Variants in KLF8 observed in about 807,000 individuals in gnomAD.
KLF8 encodes the protein Krueppel-like factor 8.
A neutral mutation model predicts 18.2 loss-of-function variants in KLF8; 10 were observed. The ratio of observed to expected loss-of-function variants is 0.55; its 90% CI spans 0.34 to 0.93. The LOEUF (loss-of-function observed/expected upper bound fraction) is 0.93, where lower values mean the gene tolerates loss of function less well. KLF8 is among the 40% of genes least tolerant of loss of function. The probability of loss-of-function intolerance (pLI) is 0.02; values close to 1 mark genes in which losing one functional copy is unlikely to be tolerated. For synonymous variants in KLF8, 109 were observed against 97.3 expected (o/e 1.12, Z -0.71); for missense variants, 264 against 277.9 (o/e 0.95, Z 0.36).
chrX:56,003,864 T>C, the KLF8 span, among the ~76,000 whole-genome samples: 1 of 112,332 alleles, frequency 8.9e-6, no homozygotes, highest in Non-Finnish European at 1.9e-5. Flanking sequence ...CTGTGTAGCC[T>C]GAAAATCATT....
At chrX:56,247,410 T>C (rs903386150) in intron 1 of KLF8, among the ~76,000 whole-genome samples, 1 of 111,922 alleles carries the variant, frequency 8.9e-6, no homozygotes, top group Non-Finnish European at 1.9e-5. Flanking sequence ...AGGACATTAC[T>C]GTACCTTACT....
At chrX:56,020,190 G>T in the KLF8 span, among the ~76,000 whole-genome samples, 9 of 111,561 alleles carry the variant, frequency 8.1e-5, no homozygotes, top group African/African-American at 2.3e-4. Flanking sequence ...ATGGAAATCA[G>T]CATGTATTCA....
At chrX:56,243,146 A>G in intron 1 of KLF8, 1 of 518,031 alleles carries the variant, frequency 1.9e-6, no homozygotes, top group Non-Finnish European at 3.5e-6. Context: ...TATCTTCTTC[A>G]TGGCCGACAC....
At chrX:55,940,621 A>G in the KLF8 span, among the ~76,000 whole-genome samples, 1 of 111,904 alleles carries the variant, frequency 8.9e-6, no homozygotes, top group Non-Finnish European at 1.9e-5. Flanking sequence ...TTATATATCT[A>G]GAAAACCCCA....
the KLF8 span, among the ~76,000 whole-genome samples, chrX:55,965,420 C>A: frequency 9.0e-6 from 1 of 111,707 alleles, no homozygotes; most frequent in Non-Finnish European, 1.9e-5. Flanking sequence ...AAACCCACAG[C>A]CAACATCATA....
chrX:56,060,346 T>G, the KLF8 span, among the ~76,000 whole-genome samples: 160 of 111,799 alleles, frequency 1.4e-3, 2 homozygotes, highest in African/African-American at 4.5e-3. Flanking sequence ...CTTGTTATTT[T>G]GAGATACTTT....
At chrX:56,264,305 TA>T (rs2066929183) in intron 2 of KLF8, among the ~76,000 whole-genome samples, 1 of 111,389 alleles carries the variant, frequency 9.0e-6, no homozygotes, top group South Asian at 3.7e-4. Context: ...ATTAGTTTTT[TA>T]AACTAATAAA....
the KLF8 span, among the ~76,000 whole-genome samples, chrX:56,053,540 C>CTTTGTTT: frequency 0.02 from 518 of 26,455 alleles, 8 homozygotes; most frequent in African/African-American, 0.066. Flanking sequence ...GAAGTCTTTT[C>CTTTGTTT]TTTGTTTTTT....
chrX:56,231,470 C>T (rs914573060), upstream of KLF8, among the ~76,000 whole-genome samples: 3 of 111,942 alleles, frequency 2.7e-5, no homozygotes, highest in Non-Finnish European at 5.6e-5. Flanking sequence ...GGCTCAGGGA[C>T]TTGCCCATAT....
intron 3 of KLF8, chrX:56,266,044 T>C: frequency 1.2e-6 from 1 of 802,458 alleles, no homozygotes; most frequent in Non-Finnish European, 1.5e-6. Context: ...ATTTAAAATA[T>C]GATTATCTTG....
At chrX:56,222,362 C>T in the KLF8 span, among the ~76,000 whole-genome samples, 4 of 109,738 alleles carry the variant, frequency 3.6e-5, no homozygotes, top group East Asian at 5.8e-4. Context: ...CCACCAGATT[C>T]GCTAGATACA....
At chrX:56,105,213 A>G in the KLF8 span, among the ~76,000 whole-genome samples, 21 of 111,635 alleles carry the variant, frequency 1.9e-4, no homozygotes, top group Non-Finnish European at 3.8e-5. Context: ...GGAGAGTTCT[A>G]TAGATGTCTA....
the KLF8 span, among the ~76,000 whole-genome samples, chrX:55,954,328 CATT>C: frequency 1.8e-5 from 2 of 111,576 alleles, no homozygotes; most frequent in South Asian, 7.4e-4. Context: ...AATCCCATGT[CATT>C]ATAATTCCTG....
At chrX:56,132,709 GATAA>G in the KLF8 span, among the ~76,000 whole-genome samples, 1 of 111,296 alleles carries the variant, frequency 9.0e-6, no homozygotes, top group South Asian at 3.7e-4. Context: ...AAATACAAAA[GATAA>G]ATGAAACAAA....
rs933312805 is a variant in KLF8, at chrX:56,285,950, T to A, written c.*1456T>A. ...CTTTTTCTTTTCAACCCTGCTTGAA[T>A]ACTTTAGGTTACTATTTCCTGAGGC... is the stretch of plus-strand genomic sequence containing the variant. On this transcript the variant is annotated 3_prime_UTR_variant, in exon 6 of 6. Transcript: ENST00000468660. 9.0e-6 allele frequency: 1 copy of A among 110,771 alleles called. No individual in the cohort carries two copies. Among genetic ancestry groups the A allele is most frequent in the East Asian group, 2.8e-4 (1 of 3,513 alleles). 9.1% of individuals were successfully genotyped at this position (110,771 alleles called of 1,213,427 possible).
In KLF8 at chrX:56,265,865, T is replaced by C. The variant is rs1174886720; in HGVS notation, c.646+121T>C. The stretch of plus-strand genomic sequence containing the variant: ...CTTGCACACTGCTTCAAGAGTAATC[T>C]TTCAAAAGTACTGTTTTTTATGTCT... On this transcript the variant is annotated intron_variant, in intron 3 of 5. Transcript: ENST00000468660. 5.6e-6 allele frequency: 6 copies of C among 1,074,016 alleles called. No homozygotes were observed. The African/African-American group carries it at 1.1e-4, about 20-fold the overall frequency. The allele number at this position is 1,074,016 out of a possible 1,213,427, so 88.5% of individuals were successfully genotyped here. A position where few individuals can be genotyped will look rare whatever the true frequency, so the allele number is the denominator to read the frequency against.
At chrX:56,116,296 G>A in the KLF8 span, among the ~76,000 whole-genome samples, 2 of 112,408 alleles carry the variant, frequency 1.8e-5, no homozygotes, top group African/African-American at 6.5e-5. Context: ...GGCTGGATCT[G>A]TTGCAATATA....
At chrX:55,916,216 A>G in the KLF8 span, among the ~76,000 whole-genome samples, 3 of 112,142 alleles carry the variant, frequency 2.7e-5, no homozygotes, top group Non-Finnish European at 5.6e-5. Context: ...GGTGGTCACT[A>G]TGTACAGAGC....
the KLF8 span, among the ~76,000 whole-genome samples, chrX:56,032,988 C>A: frequency 8.9e-6 from 1 of 111,793 alleles, no homozygotes; most frequent in South Asian, 3.7e-4. Context: ...ACATCCTTGC[C>A]ACCATTTGTG....
Sources: gnomAD v4.1 joint callset for allele counts (sites outside exome capture counted in the v4.1 genomes callset) on GRCh38, gnomAD v4.1.1 for gene constraint, MANE v1.5 for transcripts, NCBI Gene and HGNC (gene_info 2026-07-23, HGNC 2026-07-21) for gene names.